PTPRG: variants seen among roughly 807,000 people sequenced by gnomAD.
PTPRG encodes protein tyrosine phosphatase receptor type G.
PTPRG carries 102 observed loss-of-function variants against 165.3 expected under a neutral mutation model. That is an observed-to-expected ratio of 0.62 (90% CI 0.53 to 0.73). PTPRG has a LOEUF of 0.73. PTPRG is among the 30% of genes least tolerant of loss of function. The pLI, the probability that PTPRG is intolerant of heterozygous loss-of-function variation, is 0.00. For synonymous variants in PTPRG, 675 were observed against 669.5 expected, an observed-to-expected ratio of 1.01 and a Z score of -0.13; for missense variants, 1,866 against 1,861.4, an observed-to-expected ratio of 1.00 and a Z score of -0.05.
At chr3:61,611,933 T>C (rs1701179484) in intron 1 of PTPRG, among the ~76,000 whole-genome samples, 1 of 152,150 alleles carries the variant, frequency 6.6e-6, no homozygotes, top group South Asian at 2.1e-4. Context: ...TGTTAACCCC[T>C]GCTGTAAGGG....
chr3:61,652,141 C>A (rs1463584169), intron 1 of PTPRG, among the ~76,000 whole-genome samples: 1 of 152,090 alleles, frequency 6.6e-6, no homozygotes, highest in African/African-American at 2.4e-5. Flanking sequence ...AACCCCATCT[C>A]TACTAAAAAT....
intron 2 of PTPRG, among the ~76,000 whole-genome samples, chr3:61,775,983 C>G (rs62243163): frequency 6.6e-6 from 1 of 151,048 alleles, no homozygotes. Flanking sequence ...TGCTAAATGA[C>G]GAGTTAATGG....
intron 2 of PTPRG, among the ~76,000 whole-genome samples, chr3:61,897,879 T>C (rs138070324): frequency 6.0e-4 from 91 of 152,336 alleles, no homozygotes; most frequent in African/African-American, 2.2e-3. Context: ...AGAAATGTGA[T>C]GGACTTTTCA....
chr3:61,909,224 C>G (rs2038737906), intron 2 of PTPRG, among the ~76,000 whole-genome samples: 1 of 152,156 alleles, frequency 6.6e-6, no homozygotes, highest in South Asian at 2.1e-4. Flanking sequence ...TGTAAGAGGT[C>G]AAACAAATGG....
chr3:61,653,934 G>T (rs945481878), intron 1 of PTPRG, among the ~76,000 whole-genome samples: 3 of 151,680 alleles, frequency 2.0e-5, no homozygotes, highest in African/African-American at 7.3e-5. Flanking sequence ...AACATGTAAG[G>T]CTAATTAAGG....
intron 1 of PTPRG, among the ~76,000 whole-genome samples, chr3:61,606,285 G>A (rs1003829101): frequency 3.3e-5 from 5 of 152,154 alleles, no homozygotes; most frequent in Non-Finnish European, 5.9e-5. Flanking sequence ...CTTTGCCTGC[G>A]ACGTGGCTGT....
intron 2 of PTPRG, among the ~76,000 whole-genome samples, chr3:61,784,322 T>C (rs2034632044): frequency 6.6e-6 from 1 of 152,190 alleles, no homozygotes; most frequent in African/African-American, 2.4e-5. Context: ...GAAGCAGCCG[T>C]CATTTAACTA....
At chr3:62,269,689 T>C (rs965188866) in intron 20 of PTPRG, among the ~76,000 whole-genome samples, 4 of 152,150 alleles carry the variant, frequency 2.6e-5, no homozygotes, top group Non-Finnish European at 4.4e-5. Flanking sequence ...CCCTTCTCTA[T>C]AGAACTACTA....
chr3:61,792,760 C>T (rs769976040), intron 2 of PTPRG, among the ~76,000 whole-genome samples: 2 of 145,442 alleles, frequency 1.4e-5, no homozygotes, highest in East Asian at 2.0e-4. Context: ...GATGGAGTCT[C>T]GCTCGATTGC....
chr3:61,869,543 A>C (rs2037502320), intron 2 of PTPRG, among the ~76,000 whole-genome samples: 1 of 151,928 alleles, frequency 6.6e-6, no homozygotes, highest in Non-Finnish European at 1.5e-5. Context: ...GAATCCCTGG[A>C]TGCCATTCAT....
At chr3:61,814,949 G>A (rs182584126) in intron 2 of PTPRG, among the ~76,000 whole-genome samples, 9 of 151,966 alleles carry the variant, frequency 5.9e-5, no homozygotes, top group African/African-American at 2.2e-4. Context: ...AGTGGCCAGT[G>A]GTAGAGACAG....
chr3:62,152,749 G>A (rs1324556764), intron 6 of PTPRG, among the ~76,000 whole-genome samples: 1 of 152,140 alleles, frequency 6.6e-6, no homozygotes, highest in Non-Finnish European at 1.5e-5. Flanking sequence ...TACTAATGGG[G>A]GCACCTGAAC....
chr3:62,156,963 G>A (rs1175423028), intron 6 of PTPRG, 104 bp from the exon 7 acceptor site: 1 of 1,029,922 alleles, frequency 9.7e-7, no homozygotes, highest in African/African-American at 1.6e-5. Context: ...ACAAACATAA[G>A]GCTTGCGATG....
rs146629915 is a variant in PTPRG at position 61,774,484 on chromosome 3, C to T, written c.190+25502C>T. Among the ~76,000 whole-genome samples the T allele has an allele frequency of 2.5e-3, 378 of 152,216 alleles. 2 individuals are homozygous for T. Among genetic ancestry groups the T allele is most frequent in the African/African-American group, 8.5e-3 (351 of 41,534 alleles). Reference sequence around the variant, plus strand: ...TAAGAGTCCAAATAGTTTACAAATGCAGTGAGATCAATTGCAGCCTAACCA... The same window carrying T: ...TAAGAGTCCAAATAGTTTACAAATGTAGTGAGATCAATTGCAGCCTAACCA... On this transcript the variant is annotated intron_variant, in intron 2 of 29. Transcript: ENST00000474889.
chr3:62,086,537 A>C (rs1701759047), intron 5 of PTPRG, among the ~76,000 whole-genome samples: 1 of 152,058 alleles, frequency 6.6e-6, no homozygotes, highest in African/African-American at 2.4e-5. Flanking sequence ...TATGATTCCT[A>C]ATTTATTCCT....
chr3:61,771,354 G>A (rs2034202880), intron 2 of PTPRG: 1 of 147,362 alleles, frequency 6.8e-6, no homozygotes, highest in South Asian at 2.2e-4. Context: ...GGGGTTGAGA[G>A]CTTTATCTTT....
rs989330112 is a variant in PTPRG, at chr3:62,219,551, C to T, written c.2288+568C>T. On this transcript the variant is annotated intron_variant, in intron 13 of 29. Coordinates refer to ENST00000474889, the MANE Select transcript of PTPRG (RefSeq NM_002841.4). This position sits in a 1 kb window ranked among gnomAD's most constrained non-coding sequence, Gnocchi z 4.5. ...CTGCTTCTCATGGGAAGCCAGGTTG[C>T]AGCCTCTGTTTAGAAGTTGTGTTTT... 1.3e-5 allele frequency among the ~76,000 whole-genome samples: 2 copies of T among 152,206 alleles called. No individual in the cohort carries two copies. Among genetic ancestry groups the T allele is most frequent in the African/African-American group, 4.8e-5 (2 of 41,448 alleles).
intron 2 of PTPRG, among the ~76,000 whole-genome samples, chr3:61,894,363 A>G (rs1462753453): frequency 1.4e-5 from 2 of 140,894 alleles, no homozygotes; most frequent in African/African-American, 5.2e-5. Context: ...CTGGTGCTGG[A>G]GGAGTTGGAA....
chr3:61,877,460 A>C (rs902792171), intron 2 of PTPRG, among the ~76,000 whole-genome samples: 2 of 152,166 alleles, frequency 1.3e-5, no homozygotes, highest in African/African-American at 2.4e-5. Flanking sequence ...AGGTGCCTAC[A>C]TGTGGTTGTT....
Sources: allele counts gnomAD v4.1 joint callset (sites outside exome capture counted in the v4.1 genomes callset), GRCh38; gene constraint gnomAD v4.1.1; non-coding constraint Gnocchi (gnomAD v3.1); transcripts MANE v1.5; gene names NCBI Gene and HGNC (gene_info 2026-07-23, HGNC 2026-07-21).